Variants in RNF169 observed in about 807,000 individuals in gnomAD.
RNF169 encodes ring finger protein 169.
A neutral mutation model predicts 53.9 loss-of-function variants in RNF169; 24 were observed. The ratio of observed to expected loss-of-function variants is 0.45; its 90% CI spans 0.32 to 0.63. The LOEUF (loss-of-function observed/expected upper bound fraction) is 0.63, where lower values mean the gene tolerates loss of function less well. Among genes scored for constraint, RNF169 ranks in the 20% least tolerant of loss-of-function variants. The pLI, the probability that RNF169 is intolerant of heterozygous loss-of-function variation, is 0.04. For synonymous variants in RNF169, 396 were observed against 363.5 expected (o/e 1.09, Z -1.02); for missense variants, 883 against 906.2 (o/e 0.97, Z 0.33).
At chr11:74,824,509 A>G (rs1172930351) in intron 4 of RNF169, among the ~76,000 whole-genome samples, 1 of 152,240 alleles carries the variant, frequency 6.6e-6, no homozygotes, top group Non-Finnish European at 1.5e-5. Flanking sequence ...TACACATCCA[A>G]GAAGTTCTGT....
chr11:74,771,328 A>G (rs2035256622), intron 1 of RNF169, among the ~76,000 whole-genome samples: 2 of 152,252 alleles, frequency 1.3e-5, no homozygotes, highest in Non-Finnish European at 1.5e-5. Flanking sequence ...ATCTGAAACT[A>G]TAAGTGCTGA....
At chr11:74,805,857 G>A (rs59808334) in intron 2 of RNF169, among the ~76,000 whole-genome samples, 284 of 151,838 alleles carry the variant, frequency 1.9e-3, no homozygotes, top group African/African-American at 6.5e-3. Flanking sequence ...ACAGAGGGCC[G>A]ACTTTTTATT....
intron 2 of RNF169, among the ~76,000 whole-genome samples, chr11:74,809,214 TTAG>T (rs763358665): frequency 6.6e-6 from 1 of 152,158 alleles, no homozygotes; most frequent in Non-Finnish European, 1.5e-5. Flanking sequence ...ATTAAAAATA[TTAG>T]TAGCCTATAA....
chr11:74,752,894 A>T (rs1281891140), intron 1 of RNF169, among the ~76,000 whole-genome samples: 1 of 152,144 alleles, frequency 6.6e-6, no homozygotes, highest in Non-Finnish European at 1.5e-5. Flanking sequence ...ATGTAAATGC[A>T]TGTGTGCATT....
intron 1 of RNF169, among the ~76,000 whole-genome samples, chr11:74,764,148 A>G (rs143804085): frequency 0.051 from 7,728 of 152,344 alleles, 268 homozygotes; most frequent in Middle Eastern, 0.075. Flanking sequence ...CTGAGAGCAT[A>G]TATCTTTTAA....
intron 2 of RNF169, among the ~76,000 whole-genome samples, chr11:74,799,617 A>T (rs1295180751): frequency 2.0e-5 from 3 of 152,176 alleles, no homozygotes; most frequent in African/African-American, 4.8e-5. Context: ...AAAATCACTT[A>T]ACTACTACTT....
intron 1 of RNF169, among the ~76,000 whole-genome samples, chr11:74,767,798 C>CA (rs1462758220): frequency 3.3e-5 from 5 of 151,892 alleles, no homozygotes; most frequent in Non-Finnish European, 7.4e-5. Context: ...AGGATGGTCT[C>CA]AATCTCCTGA....
intron 4 of RNF169, among the ~76,000 whole-genome samples, chr11:74,819,185 T>TTGC (rs1357785012): frequency 1.5e-4 from 23 of 152,236 alleles, no homozygotes; most frequent in East Asian, 7.7e-4. Flanking sequence ...TCAGTGAATA[T>TTGC]TGCTGCTGCT....
At chr11:74,771,547 T>TAA (rs34953195) in intron 1 of RNF169, among the ~76,000 whole-genome samples, 7 of 151,676 alleles carry the variant, frequency 4.6e-5, no homozygotes, top group South Asian at 2.1e-4. Context: ...TCTACAAAAG[T>TAA]AAAAAAATTA....
intron 3 of RNF169, among the ~76,000 whole-genome samples, chr11:74,815,839 T>A (rs2035935830): frequency 6.6e-6 from 1 of 152,188 alleles, no homozygotes; most frequent in Non-Finnish European, 1.5e-5. Flanking sequence ...TACTTGGTAC[T>A]GATTTAATTA....
intron 2 of RNF169, among the ~76,000 whole-genome samples, chr11:74,791,749 G>T (rs2035582908): frequency 6.6e-6 from 1 of 152,222 alleles, no homozygotes; most frequent in Non-Finnish European, 1.5e-5. Flanking sequence ...GCGCATCCTG[G>T]GCCCCCAAGA....
chr11:74,823,931 A>G (rs964943207), intron 4 of RNF169, among the ~76,000 whole-genome samples: 3 of 152,130 alleles, frequency 2.0e-5, no homozygotes, highest in Non-Finnish European at 2.9e-5. Flanking sequence ...CAGCAACAAC[A>G]AACCCAGGGG....
At chr11:74,751,929 T>A (rs891036691) in intron 1 of RNF169, among the ~76,000 whole-genome samples, 2 of 152,074 alleles carry the variant, frequency 1.3e-5, no homozygotes, top group African/African-American at 4.8e-5. Context: ...TGTAACAAAG[T>A]ATACAATGAA....
At chr11:74,803,778 A>T (rs2035766434) in intron 2 of RNF169, among the ~76,000 whole-genome samples, 1 of 152,250 alleles carries the variant, frequency 6.6e-6, no homozygotes, top group Admixed American at 6.5e-5. Flanking sequence ...TCCATCACCT[A>T]GATTCAGTAA....
intron 1 of RNF169, among the ~76,000 whole-genome samples, chr11:74,773,726 G>A (rs778056074): frequency 1.2e-4 from 18 of 152,166 alleles, no homozygotes; most frequent in Non-Finnish European, 2.4e-4. Flanking sequence ...GGAAGTTAGT[G>A]GATCTGAGTT....
intron 4 of RNF169, among the ~76,000 whole-genome samples, chr11:74,834,246 C>G (rs1190272413): frequency 6.6e-6 from 1 of 152,186 alleles, no homozygotes; most frequent in African/African-American, 2.4e-5. Context: ...ATCTAATGCA[C>G]TGCTGTGCAT....
chr11:74,752,472 C>A (rs1276863164), intron 1 of RNF169, among the ~76,000 whole-genome samples: 2 of 151,764 alleles, frequency 1.3e-5, no homozygotes, highest in Non-Finnish European at 2.9e-5. Context: ...TGGCACACGC[C>A]TGTAGTTCCA....
At chr11:74,785,270 A>G (rs1271888675) in intron 1 of RNF169, among the ~76,000 whole-genome samples, 1 of 143,918 alleles carries the variant, frequency 6.9e-6, no homozygotes. Context: ...TATGTTATAT[A>G]TATTAGATAT....
In RNF169 at chr11:74,768,776, G is replaced by T. The variant is rs541464832; in HGVS notation, c.502+19394G>T. ...AGTTAAAAATTGGGCCAGGCGTGGT[G>T]GCTCATGCCTATAATCCCAGGACTT... On this transcript the variant is annotated intron_variant, in intron 1 of 5. Transcript: ENST00000299563. 3.4e-3 allele frequency among the ~76,000 whole-genome samples: 516 copies of T among 152,270 alleles called. 5 individuals carry two copies. Among genetic ancestry groups the T allele is most frequent in the African/African-American group, 0.012 (494 of 41,556 alleles).
Sources: allele counts gnomAD v4.1 joint callset (sites outside exome capture counted in the v4.1 genomes callset), GRCh38; gene constraint gnomAD v4.1.1; transcripts MANE v1.5; gene names NCBI Gene and HGNC (gene_info 2026-07-23, HGNC 2026-07-21).